EPS15L1: variants seen among roughly 807,000 people sequenced by gnomAD.
The protein encoded by EPS15L1 is epidermal growth factor receptor substrate 15-like 1.
EPS15L1 carries 43 observed loss-of-function variants against 117.1 expected under a neutral mutation model. The ratio of observed to expected loss-of-function variants is 0.37; its 90% CI spans 0.29 to 0.47. The LOEUF is 0.47. Ranked by LOEUF, EPS15L1 falls within the 20% of genes least tolerant of loss-of-function variation. The pLI is 0.99. For synonymous variants in EPS15L1, 459 were observed against 470.5 expected (o/e 0.98, Z 0.32); for missense variants, 981 against 1,164.0 (o/e 0.84, Z 2.29).
At chr19:16,415,494 A>C (rs1270589958) in intron 12 of EPS15L1, among the ~76,000 whole-genome samples, 1 of 152,184 alleles carries the variant, frequency 6.6e-6, no homozygotes, top group Non-Finnish European at 1.5e-5. Context: ...GACACACAGT[A>C]AGTGATCATT....
chr19:16,443,938 C>T (rs1031301220), intron 1 of EPS15L1, among the ~76,000 whole-genome samples: 1 of 151,270 alleles, frequency 6.6e-6, no homozygotes, highest in Non-Finnish European at 1.5e-5. Flanking sequence ...GTGGTGTGCG[C>T]CTGTAATCCC....
intron 8 of EPS15L1, among the ~76,000 whole-genome samples, chr19:16,426,689 C>A (rs558773666): frequency 1.3e-5 from 2 of 151,916 alleles, no homozygotes; most frequent in Non-Finnish European, 2.9e-5. Flanking sequence ...TCAAGAGACA[C>A]GAAGAGCGAT....
At chr19:16,455,693 G>C (rs910818553) in intron 1 of EPS15L1, among the ~76,000 whole-genome samples, 1 of 152,202 alleles carries the variant, frequency 6.6e-6, no homozygotes, top group Non-Finnish European at 1.5e-5. Flanking sequence ...GGGGCAGGAC[G>C]AGCAGCCTCT....
In EPS15L1 at chr19:16,381,822, G is replaced by A. The variant is rs561395185; in HGVS notation, c.2247+3307C>T. The stretch of plus-strand genomic sequence containing the variant: ...TTCATGGAACATGTCCCTGGGCCTA[G>A]GGCCCGTGCGAGTCCCCCGCGGCCT... On this transcript the variant is annotated intron_variant, in intron 21 of 23. Transcript: ENST00000455140. The surrounding 1 kb of genome is among the most constrained non-coding windows in gnomAD (Gnocchi z 4.2). 2.0e-5 allele frequency among the ~76,000 whole-genome samples: 3 copies of A among 152,334 alleles called. No homozygotes were observed. The highest frequency in any genetic ancestry group is 4.1e-4 in the South Asian group (2 of 4,824).
chr19:16,432,171 C>T lies in EPS15L1; in HGVS notation c.498+2194G>A, dbSNP rs200179017. Among the ~76,000 whole-genome samples the T allele has an allele frequency of 9.8e-5, 15 of 152,290 alleles. No individual in the cohort carries two copies. In the East Asian group the frequency reaches 2.3e-3, roughly 24 times the overall value. On this transcript the variant is annotated intron_variant, in intron 7 of 23. Coordinates refer to ENST00000455140, the MANE Select transcript of EPS15L1 (RefSeq NM_001258374.3). ...TAATTTGGCCAGGCACGGTGGCTCA[C>T]GCTTGTAATCCTTGCACTTTGGGAG...
chr19:16,463,185 C>A (rs1182687992), intron 1 of EPS15L1, among the ~76,000 whole-genome samples: 1 of 152,134 alleles, frequency 6.6e-6, no homozygotes, highest in Non-Finnish European at 1.5e-5. Context: ...GGGTTTCCTG[C>A]AAAGTGATGG....
Position 16,392,310 on chromosome 19 carries a change from A to G in EPS15L1, c.2097T>C (p.Pro699=). ...SDPFTKNPSL[P]SKLDPFESSD... is the part of the protein sequence containing the mutation. ...AACGTCCCACCCCACTCACCTTCGA[A>G]GGTAAGGAAGGGTTTTTCGTGAATG... Residue 699 remains proline, a synonymous_variant, in exon 19 of 24, where the codon CCT becomes CCC. Transcript: ENST00000455140. 1 of 1,614,004 alleles carries G rather than the reference A, an allele frequency of 6.2e-7. No homozygotes were observed. The highest frequency in any genetic ancestry group is 1.3e-5 in the African/African-American group (1 of 75,054).
chr19:16,425,417 A>G (rs899772025), intron 8 of EPS15L1, 101 bp from the exon 9 acceptor site: 27 of 790,310 alleles, frequency 3.4e-5, no homozygotes, highest in Non-Finnish European at 5.9e-5. Context: ...GTGACAGGAC[A>G]CTCTGTCAGG....
chr19:16,457,136 C>T (rs541616604), intron 1 of EPS15L1, among the ~76,000 whole-genome samples: 2 of 152,296 alleles, frequency 1.3e-5, no homozygotes, highest in East Asian at 1.9e-4. Flanking sequence ...TGCAGACACC[C>T]GGAGAAGGAG....
At chr19:16,459,362 T>C (rs1375809875) in intron 1 of EPS15L1, among the ~76,000 whole-genome samples, 2 of 152,192 alleles carry the variant, frequency 1.3e-5, no homozygotes, top group African/African-American at 4.8e-5. Context: ...GCTGCTGTAA[T>C]GACCGGCCCC....
intron 19 of EPS15L1, among the ~76,000 whole-genome samples, chr19:16,388,520 C>T (rs2092444798): frequency 6.6e-6 from 1 of 152,146 alleles, no homozygotes; most frequent in African/African-American, 2.4e-5. Flanking sequence ...TACAGGATAA[C>T]AATGACCTGA....
At chr19:16,394,991 G>A (rs574539546) in intron 17 of EPS15L1, among the ~76,000 whole-genome samples, 6 of 152,084 alleles carry the variant, frequency 3.9e-5, no homozygotes, top group East Asian at 1.9e-4. Context: ...GGGCTGAGGC[G>A]GGTGGATTAC....
chr19:16,446,759 G>A (rs945277009), intron 1 of EPS15L1, among the ~76,000 whole-genome samples: 7 of 152,146 alleles, frequency 4.6e-5, no homozygotes, highest in African/African-American at 1.4e-4. Context: ...GAAAATGCAC[G>A]TCCGTGATGA....
chr19:16,372,931 T>G (rs989785523), intron 22 of EPS15L1, among the ~76,000 whole-genome samples: 1 of 152,354 alleles, frequency 6.6e-6, no homozygotes, highest in Admixed American at 6.5e-5. Context: ...GCGGCCTCAG[T>G]TCTCCTGTCC....
chr19:16,425,956 C>G (rs550611223), intron 8 of EPS15L1, among the ~76,000 whole-genome samples: 25 of 152,212 alleles, frequency 1.6e-4, no homozygotes, highest in Non-Finnish European at 2.8e-4. Flanking sequence ...CATTTGGCAG[C>G]CACCATCATC....
intron 1 of EPS15L1, among the ~76,000 whole-genome samples, chr19:16,466,301 C>T (rs1348873770): frequency 2.0e-5 from 3 of 152,028 alleles, no homozygotes; most frequent in Admixed American, 1.3e-4. Context: ...CCAGAGTGAC[C>T]GGGAGGATGA....
At chr19:16,361,587 T>C in intron 23 of EPS15L1, 192 bp downstream of exon 23, 1 of 1,247,882 alleles carries the variant, frequency 8.0e-7, no homozygotes, top group Non-Finnish European at 1.0e-6. Context: ...CTGCGGCTCT[T>C]TTTTTTTTTA....
intron 1 of EPS15L1, among the ~76,000 whole-genome samples, chr19:16,465,862 C>T (rs985796790): frequency 8.5e-5 from 13 of 152,112 alleles, no homozygotes; most frequent in African/African-American, 2.9e-4. Context: ...AAATAACTTT[C>T]CAAGACAAGA....
chr19:16,385,224 C>T lies in EPS15L1; in HGVS notation c.2165-13G>A. On this transcript the variant is annotated splice_polypyrimidine_tract_variant and intron_variant, in intron 20 of 23. Coordinates refer to ENST00000455140, the MANE Select transcript of EPS15L1 (RefSeq NM_001258374.3). ...GTTCCAAAGGGATCTGCAATCGGCA[C>T]CAACAAAGTCAGAGTTACAGGTCTT... 1 of 1,612,236 alleles carries T rather than the reference C, an allele frequency of 6.2e-7. No individual in the cohort carries two copies.
Sources: allele counts gnomAD v4.1 joint callset (sites outside exome capture counted in the v4.1 genomes callset), GRCh38; gene constraint gnomAD v4.1.1; non-coding constraint Gnocchi (gnomAD v3.1); transcripts MANE v1.5; gene names NCBI Gene and HGNC (gene_info 2026-07-23, HGNC 2026-07-21).